The following DPY19L1 variants were observed in gnomAD, a reference collection of about 807,000 sequenced individuals.
The protein encoded by DPY19L1 is protein C-mannosyl-transferase DPY19L1.
DPY19L1 carries 35 observed loss-of-function variants against 96.9 expected under a neutral mutation model. That is an observed-to-expected ratio of 0.36 (90% CI 0.28 to 0.48). The LOEUF is 0.48. Ranked by LOEUF, DPY19L1 falls within the 20% of genes least tolerant of loss-of-function variation. The pLI is 0.99. For missense variants in DPY19L1, 521 were observed against 777.9 expected, an observed-to-expected ratio of 0.67 and a Z score of 3.93; for synonymous variants, 205 against 252.6, an observed-to-expected ratio of 0.81 and a Z score of 1.79.
chr7:35,010,650 T>G, intron 5 of DPY19L1, 89 bp from the exon 6 acceptor site: 1 of 886,110 alleles, frequency 1.1e-6, no homozygotes. Flanking sequence ...GTGTTCATTT[T>G]GAAAATGGTT....
At chr7:34,969,876 A>G (rs1784688572) in intron 8 of DPY19L1, among the ~76,000 whole-genome samples, 1 of 152,230 alleles carries the variant, frequency 6.6e-6, no homozygotes, top group South Asian at 2.1e-4. Flanking sequence ...GCCTACAAAA[A>G]GATGATAGCA....
chr7:35,023,623 T>C (rs1317461473), intron 1 of DPY19L1, among the ~76,000 whole-genome samples: 1 of 152,194 alleles, frequency 6.6e-6, no homozygotes, highest in Admixed American at 6.5e-5. Flanking sequence ...ATCAGCATTT[T>C]ACAAATGAAA....
intron 20 of DPY19L1, 103 bp downstream of exon 20, chr7:34,939,173 A>G (rs1783938114): frequency 9.8e-7 from 1 of 1,015,660 alleles, no homozygotes; most frequent in South Asian, 1.8e-5. Flanking sequence ...GCCTCAGTTC[A>G]TCATATCCTT....
intron 7 of DPY19L1, among the ~76,000 whole-genome samples, chr7:34,979,226 T>G (rs1239387843): frequency 6.6e-6 from 1 of 152,130 alleles, no homozygotes; most frequent in Non-Finnish European, 1.5e-5. Flanking sequence ...CATTGCTTAT[T>G]CATCTAAAAT....
chr7:35,034,653 T>G (rs1786342694), intron 1 of DPY19L1, among the ~76,000 whole-genome samples: 1 of 152,224 alleles, frequency 6.6e-6, no homozygotes, highest in Non-Finnish European at 1.5e-5. Context: ...CATCAGTGAT[T>G]AGAACCTATG....
At chr7:34,939,992 G>A (rs980644953) in intron 19 of DPY19L1, among the ~76,000 whole-genome samples, 161 bp downstream of exon 19, 7 of 152,074 alleles carry the variant, frequency 4.6e-5, no homozygotes, top group Non-Finnish European at 1.0e-4. Context: ...CATTTAAACA[G>A]GATTGATATC....
intron 20 of DPY19L1, among the ~76,000 whole-genome samples, 157 bp from the exon 21 acceptor site, chr7:34,938,276 G>A (rs1371773909): frequency 6.6e-6 from 1 of 152,240 alleles, no homozygotes; most frequent in Non-Finnish European, 1.5e-5. Flanking sequence ...CATCAGTGAG[G>A]TCAAAAGCAG....
chr7:35,016,834 G>A (rs1242796310), intron 3 of DPY19L1, among the ~76,000 whole-genome samples: 1 of 152,052 alleles, frequency 6.6e-6, no homozygotes, highest in Non-Finnish European at 1.5e-5. Flanking sequence ...GATTATTGTG[G>A]GTAATTCTAT....
At chr7:34,937,851 C>G (rs559896880) in intron 21 of DPY19L1, 143 bp downstream of exon 21, 6 of 782,028 alleles carry the variant, frequency 7.7e-6, no homozygotes, top group Non-Finnish European at 1.2e-5. Context: ...AGAGTGAGAG[C>G]CTGTTTAAAA....
intron 7 of DPY19L1, among the ~76,000 whole-genome samples, chr7:34,974,829 T>C (rs144880279): frequency 2.0e-5 from 3 of 152,340 alleles, no homozygotes; most frequent in African/African-American, 7.2e-5. Context: ...GGTCACTTCA[T>C]GTCTCTGTGT....
chr7:35,001,469 C>T (rs1785425439), intron 6 of DPY19L1, among the ~76,000 whole-genome samples: 1 of 152,172 alleles, frequency 6.6e-6, no homozygotes, highest in Admixed American at 6.5e-5. Context: ...AAGACAGAGT[C>T]TCTTAAACTC....
At chr7:34,946,940 T>C (rs1405060919) in intron 15 of DPY19L1, among the ~76,000 whole-genome samples, 1 of 152,246 alleles carries the variant, frequency 6.6e-6, no homozygotes, top group Non-Finnish European at 1.5e-5. Context: ...TACAGAATAT[T>C]CTACAAATAA....
At chr7:34,941,990 T>TA in intron 17 of DPY19L1, 106 bp from the exon 18 acceptor site, 2 of 1,183,180 alleles carry the variant, frequency 1.7e-6, no homozygotes, top group Non-Finnish European at 2.3e-6. Flanking sequence ...TAACAAAAAA[T>TA]ACTACTAAGG....
intron 6 of DPY19L1, among the ~76,000 whole-genome samples, chr7:34,995,673 C>T (rs895525434): frequency 7.0e-4 from 106 of 152,072 alleles, no homozygotes; most frequent in African/African-American, 2.4e-3. Flanking sequence ...CAAAGTTAAA[C>T]TTTTGAAGAG....
chr7:34,946,493 C>T (rs1174971011), intron 15 of DPY19L1, among the ~76,000 whole-genome samples: 18 of 152,350 alleles, frequency 1.2e-4, no homozygotes, highest in Middle Eastern at 3.4e-3. Context: ...TAATAGTTTT[C>T]ATCATCTCTC....
intron 7 of DPY19L1, among the ~76,000 whole-genome samples, chr7:34,974,220 C>T (rs1784786187): frequency 6.6e-6 from 1 of 152,136 alleles, no homozygotes; most frequent in Non-Finnish European, 1.5e-5. Context: ...AATGTACTAT[C>T]ACAGTTGTAA....
chr7:35,019,387 T>C (rs1321397230), intron 1 of DPY19L1, among the ~76,000 whole-genome samples: 2 of 152,112 alleles, frequency 1.3e-5, no homozygotes, highest in African/African-American at 4.8e-5. Flanking sequence ...TGCAGCAGTG[T>C]GCTATGACTA....
chr7:35,025,117 T>G (rs768422458), intron 1 of DPY19L1, among the ~76,000 whole-genome samples: 8 of 152,210 alleles, frequency 5.3e-5, no homozygotes. Flanking sequence ...AGTTTCTGTA[T>G]AGCGAACAAA....
intron 6 of DPY19L1, among the ~76,000 whole-genome samples, chr7:34,992,363 A>G (rs575358144): frequency 6.1e-4 from 93 of 152,190 alleles, no homozygotes; most frequent in Non-Finnish European, 1.2e-3. Context: ...TGTGAAAATA[A>G]CATTTAAAAG....
Sources: gnomAD v4.1 joint callset for allele counts (sites outside exome capture counted in the v4.1 genomes callset) on GRCh38, gnomAD v4.1.1 for gene constraint, MANE v1.5 for transcripts, NCBI Gene and HGNC (gene_info 2026-07-23, HGNC 2026-07-21) for gene names.